ATP9B: variants seen among roughly 807,000 people sequenced by gnomAD.
ATP9B encodes probable phospholipid-transporting ATPase IIB.
A neutral mutation model predicts 146.1 loss-of-function variants in ATP9B; 110 were observed. The ratio of observed to expected loss-of-function variants is 0.75; its 90% CI spans 0.65 to 0.88. The LOEUF (loss-of-function observed/expected upper bound fraction) is 0.88, where lower values mean the gene tolerates loss of function less well. Ranked by LOEUF, ATP9B falls within the 40% of genes least tolerant of loss-of-function variation. The pLI, the probability that ATP9B is intolerant of heterozygous loss-of-function variation, is 0.00. For missense variants in ATP9B, 1,499 were observed against 1,496.4 expected, an observed-to-expected ratio of 1.00 and a Z score of -0.03; for synonymous variants, 604 against 569.7, an observed-to-expected ratio of 1.06 and a Z score of -0.86.
chr18:79,303,453 A>C (rs2096604260), intron 13 of ATP9B, 151 bp from the exon 14 acceptor site: 1 of 499,356 alleles, frequency 2.0e-6, no homozygotes. Context: ...AATAGTAGCA[A>C]GTAACAATCT....
chr18:79,289,030 C>T (rs1300780468), intron 13 of ATP9B, among the ~76,000 whole-genome samples: 2 of 152,288 alleles, frequency 1.3e-5, no homozygotes, highest in Non-Finnish European at 2.9e-5. Flanking sequence ...CGACCTTTCT[C>T]TCTGGCTGCC....
At chr18:79,163,710 G>T (rs1247414570) in intron 7 of ATP9B, among the ~76,000 whole-genome samples, 4 of 151,364 alleles carry the variant, frequency 2.6e-5, no homozygotes, top group African/African-American at 7.3e-5. Flanking sequence ...ACCCCTAACG[G>T]TTTATTTAAA....
chr18:79,301,662 A>G (rs1416172161), intron 13 of ATP9B, among the ~76,000 whole-genome samples: 4 of 152,194 alleles, frequency 2.6e-5, no homozygotes, highest in Non-Finnish European at 4.4e-5. Context: ...TGTAATTTTG[A>G]TGATTTTGTT....
chr18:79,250,893 C>CT (rs1599286557), intron 11 of ATP9B, among the ~76,000 whole-genome samples: 1 of 152,192 alleles, frequency 6.6e-6, no homozygotes, highest in East Asian at 1.9e-4. Flanking sequence ...CGAGATGCTG[C>CT]TGTGGACGTT....
chr18:79,190,505 T>C (rs115345012), intron 8 of ATP9B, among the ~76,000 whole-genome samples: 4,653 of 128,830 alleles, frequency 0.036, 71 homozygotes, highest in South Asian at 0.073. Flanking sequence ...CAGCCCTTTT[T>C]ATTTATACAC....
intron 7 of ATP9B, 45 bp from the exon 8 acceptor site, chr18:79,176,768 C>T: frequency 6.5e-7 from 1 of 1,538,582 alleles, no homozygotes; most frequent in Non-Finnish European, 9.0e-7. Flanking sequence ...GAAAAACCTT[C>T]TGTAACAATT....
chr18:79,275,357 A>G (rs1008855975), intron 12 of ATP9B, among the ~76,000 whole-genome samples: 1 of 152,194 alleles, frequency 6.6e-6, no homozygotes, highest in African/African-American at 2.4e-5. Context: ...TTCACAGAGA[A>G]TCTTTCTCCA....
chr18:79,142,741 A>T (rs2094529239), intron 5 of ATP9B, among the ~76,000 whole-genome samples: 1 of 152,228 alleles, frequency 6.6e-6, no homozygotes, highest in Non-Finnish European at 1.5e-5. Context: ...TAATTGAGGC[A>T]TGTAGAAAAA....
rs994578627 is a variant in ATP9B at position 79,349,752 on chromosome 18, A to G, written c.2903+1556A>G. The stretch of plus-strand genomic sequence containing the variant: ...CCTGAGCTGTCCAAGGAGCATGCAC[A>G]GAGCTGGCACTTGGGTCTCTGCCTT... On this transcript the variant is annotated intron_variant, in intron 25 of 29. Transcript: ENST00000426216. Among the ~76,000 whole-genome samples the G allele has an allele frequency of 3.9e-5, 6 of 152,154 alleles. No individual in the cohort carries two copies. The East Asian group carries it at 5.8e-4, about 15-fold the overall frequency.
intron 12 of ATP9B, among the ~76,000 whole-genome samples, chr18:79,269,482 C>CA (rs1488443221): frequency 6.6e-6 from 1 of 152,034 alleles, no homozygotes; most frequent in Non-Finnish European, 1.5e-5. Flanking sequence ...TTGCCTATTC[C>CA]ACACAAACAT....
intron 14 of ATP9B, among the ~76,000 whole-genome samples, chr18:79,305,434 A>G (rs1027357264): frequency 6.6e-6 from 1 of 152,232 alleles, no homozygotes; most frequent in African/African-American, 2.4e-5. Flanking sequence ...AAACATACGT[A>G]CACAGCCAAA....
intron 10 of ATP9B, among the ~76,000 whole-genome samples, chr18:79,211,447 T>C (rs545103921): frequency 6.6e-6 from 1 of 152,350 alleles, no homozygotes; most frequent in South Asian, 2.1e-4. Context: ...TTGCAGACCA[T>C]CCACATAGCA....
intron 4 of ATP9B, among the ~76,000 whole-genome samples, chr18:79,120,098 A>G (rs1049311789): frequency 1.3e-5 from 2 of 152,224 alleles, no homozygotes; most frequent in African/African-American, 4.8e-5. Flanking sequence ...AGAATTCCTC[A>G]TAAGCCCTTG....
intron 1 of ATP9B, among the ~76,000 whole-genome samples, chr18:79,081,888 G>C (rs1442159708): frequency 2.0e-5 from 3 of 151,798 alleles, no homozygotes; most frequent in African/African-American, 4.8e-5. Context: ...ATGTGTCTTG[G>C]GGTTGCTGTT....
chr18:79,366,630 A>G (rs1418513010), intron 26 of ATP9B, among the ~76,000 whole-genome samples: 2 of 152,224 alleles, frequency 1.3e-5, no homozygotes, highest in African/African-American at 4.8e-5. Context: ...ATAAACACGG[A>G]CATGTGTGAG....
intron 10 of ATP9B, among the ~76,000 whole-genome samples, chr18:79,212,988 A>G (rs540775807): frequency 1.3e-5 from 2 of 152,324 alleles, no homozygotes; most frequent in East Asian, 1.9e-4. Context: ...TGTGATATGT[A>G]TAATATGTAA....
At chr18:79,231,776 G>GTGTGTA (rs2095793714) in intron 11 of ATP9B, among the ~76,000 whole-genome samples, 1 of 94,982 alleles carries the variant, frequency 1.1e-5, no homozygotes, top group African/African-American at 4.1e-5. Flanking sequence ...ATGTGTGTGT[G>GTGTGTA]TGTATATATA....
chr18:79,210,806 G>A (rs1248559267), intron 10 of ATP9B, among the ~76,000 whole-genome samples: 3 of 152,120 alleles, frequency 2.0e-5, no homozygotes, highest in Admixed American at 6.5e-5. Flanking sequence ...TTTTGCTAAC[G>A]GTATCTAGCA....
At chr18:79,304,313 G>A (rs1267705732) in intron 14 of ATP9B, among the ~76,000 whole-genome samples, 2 of 152,076 alleles carry the variant, frequency 1.3e-5, no homozygotes, top group African/African-American at 4.8e-5. Flanking sequence ...TTTCGTTGGG[G>A]CCAAAGCTCC....
Sources: allele counts gnomAD v4.1 joint callset (sites outside exome capture counted in the v4.1 genomes callset), GRCh38; gene constraint gnomAD v4.1.1; transcripts MANE v1.5; gene names NCBI Gene and HGNC (gene_info 2026-07-23, HGNC 2026-07-21).